The following CTNNA2 variants were observed in gnomAD, a reference collection of about 807,000 sequenced individuals.
The protein encoded by CTNNA2 is catenin alpha-2.
In CTNNA2, 42 loss-of-function variants were observed where a neutral mutation model predicts 101.0. That is an observed-to-expected ratio of 0.42 (90% CI 0.32 to 0.54). The LOEUF (loss-of-function observed/expected upper bound fraction) is 0.54, where lower values mean the gene tolerates loss of function less well. Among genes scored for constraint, CTNNA2 ranks in the 20% least tolerant of loss-of-function variants. The pLI, the probability that CTNNA2 is intolerant of heterozygous loss-of-function variation, is 0.14. For synonymous variants in CTNNA2, 450 were observed against 456.4 expected, an observed-to-expected ratio of 0.99 and a Z score of 0.18; for missense variants, 871 against 1,223.1, an observed-to-expected ratio of 0.71 and a Z score of 4.29.
intron 7 of CTNNA2, among the ~76,000 whole-genome samples, chr2:79,913,854 G>A (rs193230158): frequency 6.6e-6 from 1 of 152,280 alleles, no homozygotes; most frequent in African/African-American, 2.4e-5. Flanking sequence ...AGGAAATTCT[G>A]ATTTACTTGG....
intron 4 of CTNNA2, among the ~76,000 whole-genome samples, chr2:79,861,756 A>G (rs1213781241): frequency 6.6e-6 from 1 of 152,190 alleles, no homozygotes; most frequent in Admixed American, 6.5e-5. Context: ...GAGGATAGAG[A>G]TAGAACAGTG....
intron 7 of CTNNA2, among the ~76,000 whole-genome samples, chr2:80,383,585 T>C (rs781360001): frequency 1.3e-5 from 2 of 152,264 alleles, no homozygotes; most frequent in Non-Finnish European, 1.5e-5. Flanking sequence ...AGCTTTTCTT[T>C]GAAGAATGGG....
At chr2:80,469,335 G>A (rs555926801) in intron 9 of CTNNA2, among the ~76,000 whole-genome samples, 13 of 152,184 alleles carry the variant, frequency 8.5e-5, no homozygotes, top group Non-Finnish European at 1.9e-4. Flanking sequence ...ACAGACTTGT[G>A]TCTCCCAGTG....
chr2:80,019,060 G>A (rs1438311436), intron 7 of CTNNA2, among the ~76,000 whole-genome samples: 2 of 152,120 alleles, frequency 1.3e-5, no homozygotes, highest in Non-Finnish European at 2.9e-5. Context: ...TATTTGCATA[G>A]CATTTACCTT....
intron 7 of CTNNA2, among the ~76,000 whole-genome samples, chr2:80,134,440 C>G (rs963501600): frequency 6.6e-6 from 1 of 152,140 alleles, no homozygotes; most frequent in Non-Finnish European, 1.5e-5. Context: ...ATGCAACCCG[C>G]TAATGACCCA....
At position 80,393,295 on chromosome 2, in the gene CTNNA2, C is replaced by T. The variant is rs373348344; in HGVS notation, c.1137+4C>T. The T allele has an allele frequency of 3.1e-6, 5 of 1,596,796 alleles. No individual in the cohort carries two copies. The highest frequency in any genetic ancestry group is 1.3e-5 in the African/African-American group (1 of 74,170). ...AACAAGAGATCTAAGGAGACAGGTA[C>T]TATTTTTTATTTTTACTTTAAGTCC... On this transcript the variant is annotated splice_donor_region_variant and intron_variant, in intron 8 of 18. Transcript: ENST00000402739.
At chr2:79,295,194 T>G (rs1675949281) in intron 2 of CTNNA2, among the ~76,000 whole-genome samples, 2 of 152,162 alleles carry the variant, frequency 1.3e-5, no homozygotes, top group South Asian at 4.1e-4. Flanking sequence ...TCCAGGTATT[T>G]CTCACATTTT....
chr2:79,922,311 A>T (rs945937939), intron 7 of CTNNA2, among the ~76,000 whole-genome samples: 8 of 152,160 alleles, frequency 5.3e-5, no homozygotes, highest in Non-Finnish European at 1.0e-4. Context: ...TAGTTTTAAA[A>T]AAAGACATTG....
At chr2:80,190,586 C>T (rs1706431502) in intron 7 of CTNNA2, among the ~76,000 whole-genome samples, 1 of 152,106 alleles carries the variant, frequency 6.6e-6, no homozygotes, top group East Asian at 1.9e-4. Flanking sequence ...TAGCTCAAAA[C>T]ACACATTGAG....
At chr2:80,027,633 T>C (rs1486896472) in intron 7 of CTNNA2, among the ~76,000 whole-genome samples, 2 of 152,070 alleles carry the variant, frequency 1.3e-5, no homozygotes, top group African/African-American at 4.8e-5. Flanking sequence ...TGGATTCTTT[T>C]CTATCAGATT....
intron 4 of CTNNA2, among the ~76,000 whole-genome samples, chr2:79,477,540 G>A (rs536937044): frequency 1.3e-5 from 2 of 152,180 alleles, no homozygotes; most frequent in African/African-American, 4.8e-5. Context: ...GGTTGTGTGT[G>A]GATGTGTGAA....
At chr2:79,471,549 A>T (rs1014505155) in intron 4 of CTNNA2, among the ~76,000 whole-genome samples, 1 of 152,126 alleles carries the variant, frequency 6.6e-6, no homozygotes, top group Non-Finnish European at 1.5e-5. Context: ...TTAAGATTTT[A>T]ACATATCGGC....
intron 3 of CTNNA2, among the ~76,000 whole-genome samples, chr2:79,794,754 C>T (rs1675565166): frequency 6.6e-6 from 1 of 152,170 alleles, no homozygotes; most frequent in South Asian, 2.1e-4. Context: ...TATGTACATT[C>T]TGCCAAGATG....
At chr2:79,253,983 A>G (rs1434206) in intron 2 of CTNNA2, among the ~76,000 whole-genome samples, 86,531 of 152,006 alleles carry the variant, frequency 0.57, 25,249 homozygotes, top group East Asian at 0.65. Context: ...AAGACAGCTC[A>G]TAGATTATCT....
rs139087040 is a variant in CTNNA2 at position 79,491,216 on chromosome 2, T to C, written c.-134-13838T>C. Among the ~76,000 whole-genome samples the C allele has an allele frequency of 1.5e-3, 226 of 152,328 alleles. 2 individuals carry two copies. The highest frequency in any genetic ancestry group is 5.2e-3 in the African/African-American group (217 of 41,578). On this transcript the variant is annotated intron_variant, in intron 4 of 21. Coordinates refer to the CTNNA2 transcript ENST00000466387. Reference sequence around the variant, plus strand: ...TTCCTCTAAGTATCCATTTTATTTATACTTCAACTTGCATATGACTTTGAA... The same window carrying C: ...TTCCTCTAAGTATCCATTTTATTTACACTTCAACTTGCATATGACTTTGAA...
intron 7 of CTNNA2, among the ~76,000 whole-genome samples, chr2:80,376,900 C>T (rs1157812952): frequency 1.3e-5 from 2 of 152,154 alleles, no homozygotes; most frequent in Non-Finnish European, 2.9e-5. Context: ...AGTTTGATTA[C>T]AATCATCAGT....
At chr2:79,793,879 C>T (rs1165382433) in intron 3 of CTNNA2, among the ~76,000 whole-genome samples, 2 of 125,020 alleles carry the variant, frequency 1.6e-5, no homozygotes, top group African/African-American at 7.3e-5. Context: ...CACACACACA[C>T]ACACTCATGC....
intron 7 of CTNNA2, among the ~76,000 whole-genome samples, chr2:80,307,839 C>G (rs1677174170): frequency 6.6e-6 from 1 of 152,194 alleles, no homozygotes; most frequent in Non-Finnish European, 1.5e-5. Flanking sequence ...TGATTGGGCA[C>G]TGAGGCCAGA....
chr2:80,509,817 T>A (rs531684264), intron 9 of CTNNA2, among the ~76,000 whole-genome samples: 1 of 152,308 alleles, frequency 6.6e-6, no homozygotes, highest in South Asian at 2.1e-4. Flanking sequence ...TAATAGAGCT[T>A]GGACTGGAAC....
Sources: allele counts gnomAD v4.1 joint callset (sites outside exome capture counted in the v4.1 genomes callset), GRCh38; gene constraint gnomAD v4.1.1; transcripts MANE v1.5; gene names NCBI Gene and HGNC (gene_info 2026-07-23, HGNC 2026-07-21).